GSR: variants seen among roughly 807,000 people sequenced by gnomAD.
The protein encoded by GSR is glutathione-disulfide reductase.
In GSR, 48 loss-of-function variants were observed where a neutral mutation model predicts 56.5. That is an observed-to-expected ratio of 0.85 (90% confidence interval 0.67 to 1.08). GSR has a LOEUF of 1.08. Among genes scored for constraint, GSR ranks in the 50% least tolerant of loss-of-function variants. The pLI, the probability that GSR is intolerant of heterozygous loss-of-function variation, is 0.00. For synonymous variants in GSR, 264 were observed against 270.8 expected (o/e 0.97, Z 0.25); for missense variants, 694 against 703.3 (o/e 0.99, Z 0.15).
At chr8:30,696,322 A>C in intron 7 of GSR, 58 bp downstream of exon 7, 1 of 1,200,524 alleles carries the variant, frequency 8.3e-7, no homozygotes, top group South Asian at 1.2e-5. Context: ...CATAAGAAAA[A>C]ATTCTTCATT....
chr8:30,694,482 T>A (rs1053399453), intron 7 of GSR, among the ~76,000 whole-genome samples: 1 of 152,176 alleles, frequency 6.6e-6, no homozygotes, highest in African/African-American at 2.4e-5. Context: ...GCTAATTTTT[T>A]AATTTTTTGT....
chr8:30,709,123 T>G (rs907836084), intron 3 of GSR, among the ~76,000 whole-genome samples: 2 of 152,054 alleles, frequency 1.3e-5, no homozygotes, highest in Admixed American at 6.6e-5. Flanking sequence ...ATTGGGAGGC[T>G]GAGGCGGGAG....
rs1272758331 is a variant in GSR at position 30,695,830 on chromosome 8, G to C, written c.795+550C>G. Among the ~76,000 whole-genome samples, 3 of 151,850 alleles carry C rather than the reference G, an allele frequency of 2.0e-5. No individual in the cohort carries two copies. In the East Asian group the frequency reaches 5.9e-4, roughly 30 times the overall value. ...CGAGGTGGGTGGATCACCTGAGGTA[G>C]GGAGTTCGAGACCAGCCTGGCCAAC... is the stretch of plus-strand genomic sequence containing the variant. On this transcript the variant is annotated intron_variant, in intron 7 of 12. Coordinates refer to ENST00000221130, the MANE Select transcript of GSR (RefSeq NM_000637.5).
At chr8:30,718,649 G>T (rs545202994) in intron 1 of GSR, among the ~76,000 whole-genome samples, 1 of 152,234 alleles carries the variant, frequency 6.6e-6, no homozygotes, top group South Asian at 2.1e-4. Flanking sequence ...AGTTCTCAGG[G>T]CTCTGGTTGC....
At chr8:30,690,993 A>G (rs965467505) in intron 8 of GSR, among the ~76,000 whole-genome samples, 10 of 151,998 alleles carry the variant, frequency 6.6e-5, no homozygotes, top group Non-Finnish European at 5.9e-5. Flanking sequence ...TGGAGACTGC[A>G]GTGAGCAATG....
chr8:30,721,128 T>C (rs1035312651), intron 1 of GSR, among the ~76,000 whole-genome samples: 118 of 151,912 alleles, frequency 7.8e-4, no homozygotes, highest in Admixed American at 2.4e-3. Context: ...ATAAAAATAA[T>C]TGTTACGGGC....
chr8:30,696,815 C>T (rs1803558868), intron 6 of GSR, among the ~76,000 whole-genome samples: 1 of 152,102 alleles, frequency 6.6e-6, no homozygotes, highest in South Asian at 2.1e-4. Flanking sequence ...CCAGCCTCAG[C>T]CTCCTGAGTA....
At chr8:30,689,744 G>GTATA (rs1319853103) in intron 8 of GSR, among the ~76,000 whole-genome samples, 71 of 49,202 alleles carry the variant, frequency 1.4e-3, no homozygotes, top group Middle Eastern at 9.3e-3. Context: ...ACGTGTGTGT[G>GTATA]TGTATATATA....
chr8:30,680,628 C>G (rs1802918785), intron 12 of GSR, among the ~76,000 whole-genome samples: 3 of 152,074 alleles, frequency 2.0e-5, no homozygotes, highest in Admixed American at 2.0e-4. Flanking sequence ...CTCCTGACCT[C>G]AGGTGATATG....
At chr8:30,698,346 C>T (rs1472255932) in intron 6 of GSR, among the ~76,000 whole-genome samples, 3 of 152,024 alleles carry the variant, frequency 2.0e-5, no homozygotes, top group Non-Finnish European at 1.5e-5. Flanking sequence ...AGGGTGAGTC[C>T]GGAATGAAAT....
intron 4 of GSR, among the ~76,000 whole-genome samples, chr8:30,703,827 G>A (rs967708901): frequency 2.0e-5 from 3 of 149,984 alleles, no homozygotes; most frequent in East Asian, 3.9e-4. Flanking sequence ...AGGAGGAGGA[G>A]GAAGAAAGAA....
At chr8:30,711,277 C>A (rs1042338679) in intron 2 of GSR, among the ~76,000 whole-genome samples, 4 of 152,098 alleles carry the variant, frequency 2.6e-5, no homozygotes, top group Admixed American at 1.3e-4. Flanking sequence ...GTTGAAAGTA[C>A]ATTCAAATGA....
intron 7 of GSR, among the ~76,000 whole-genome samples, chr8:30,695,479 C>T (rs908039253): frequency 6.6e-6 from 1 of 152,056 alleles, no homozygotes; most frequent in African/African-American, 2.4e-5. Context: ...AGTGATCCGC[C>T]CGCCTCAGCC....
At chr8:30,706,905 G>C (rs1418948261) in intron 4 of GSR, 1 of 152,204 alleles carries the variant, frequency 6.6e-6, no homozygotes, top group Non-Finnish European at 1.5e-5. Context: ...GGGAGGCCGA[G>C]GTGGGCAAAT....
intron 9 of GSR, chr8:30,687,380 T>C (rs1339765611): frequency 6.6e-6 from 1 of 152,168 alleles, no homozygotes; most frequent in African/African-American, 2.4e-5. Flanking sequence ...GCGCAGTGGC[T>C]TACGCCTGTA....
intron 1 of GSR, among the ~76,000 whole-genome samples, chr8:30,717,835 G>A (rs967027899): frequency 5.3e-5 from 8 of 152,004 alleles, no homozygotes; most frequent in East Asian, 1.9e-4. Flanking sequence ...GCGTGGTGCC[G>A]CAAGCCTGTA....
At chr8:30,723,193 T>G (rs1435325797) in intron 1 of GSR, among the ~76,000 whole-genome samples, 1 of 152,118 alleles carries the variant, frequency 6.6e-6, no homozygotes, top group Admixed American at 6.6e-5. Flanking sequence ...CCATCACGTG[T>G]GTAGGCAGAG....
At chr8:30,703,583 C>T (rs1018523249) in intron 4 of GSR, among the ~76,000 whole-genome samples, 1 of 151,918 alleles carries the variant, frequency 6.6e-6, no homozygotes, top group South Asian at 2.1e-4. Flanking sequence ...CCAGTCTCTA[C>T]TAAAAATACA....
In GSR at chr8:30,724,694, C is replaced by T. The variant is rs147553431; in HGVS notation, c.306+2836G>A. On this transcript the variant is annotated intron_variant, in intron 1 of 12. Coordinates refer to ENST00000221130, the MANE Select transcript of GSR (RefSeq NM_000637.5). ...CTCCCAAGTAGCATGTGCCACCACA[C>T]CCGGCTAATTTTTGTATTTTTAGTA... Among the ~76,000 whole-genome samples the T allele has an allele frequency of 3.3e-5, 5 of 151,968 alleles. No homozygotes were observed. The East Asian group carries it at 9.7e-4, about 29-fold the overall frequency.
Sources: gnomAD v4.1 joint callset for allele counts (sites outside exome capture counted in the v4.1 genomes callset) on GRCh38, gnomAD v4.1.1 for gene constraint, MANE v1.5 for transcripts, NCBI Gene and HGNC (gene_info 2026-07-23, HGNC 2026-07-21) for gene names.